HS6ST3: variants seen among roughly 807,000 people sequenced by gnomAD.
HS6ST3 encodes heparan-sulfate 6-O-sulfotransferase 3.
Under a neutral mutation model 36.7 loss-of-function variants are expected in HS6ST3, and 12 were observed. That is an observed-to-expected ratio of 0.33 (90% CI 0.21 to 0.53). The LOEUF (loss-of-function observed/expected upper bound fraction) is 0.53, where lower values mean the gene tolerates loss of function less well. Ranked by LOEUF, HS6ST3 falls within the 20% of genes least tolerant of loss-of-function variation. The pLI, the probability that HS6ST3 is intolerant of heterozygous loss-of-function variation, is 0.95. For missense variants in HS6ST3, 584 were observed against 640.9 expected, an observed-to-expected ratio of 0.91 and a Z score of 0.96; for synonymous variants, 240 against 257.5, an observed-to-expected ratio of 0.93 and a Z score of 0.65.
At chr13:96,562,180 G>A (rs2056264791) in intron 1 of HS6ST3, among the ~76,000 whole-genome samples, 1 of 152,180 alleles carries the variant, frequency 6.6e-6, no homozygotes, top group South Asian at 2.1e-4. Context: ...TATACAACAT[G>A]GGATACTGCA....
chr13:96,366,943 G>T (rs954605358), intron 1 of HS6ST3, among the ~76,000 whole-genome samples: 1 of 152,176 alleles, frequency 6.6e-6, no homozygotes, highest in Admixed American at 6.5e-5. Flanking sequence ...CTCCCACCAT[G>T]TAAGATGTGC....
chr13:96,188,921 C>G (rs189753989), intron 1 of HS6ST3, among the ~76,000 whole-genome samples: 1 of 152,094 alleles, frequency 6.6e-6, no homozygotes, highest in East Asian at 1.9e-4. Flanking sequence ...TAATTTTTGA[C>G]AGAAATATTA....
At chr13:96,344,144 G>A (rs1176152603) in intron 1 of HS6ST3, among the ~76,000 whole-genome samples, 3 of 152,116 alleles carry the variant, frequency 2.0e-5, no homozygotes, top group African/African-American at 7.2e-5. Flanking sequence ...ATACGTAGGT[G>A]TCAGAATAAG....
At chr13:96,444,470 C>T (rs941629956) in intron 1 of HS6ST3, among the ~76,000 whole-genome samples, 8 of 152,178 alleles carry the variant, frequency 5.3e-5, no homozygotes, top group Non-Finnish European at 1.2e-4. Flanking sequence ...ACAGTGAGGT[C>T]TTAGTCTTGT....
chr13:96,349,893 A>T (rs978876686), intron 1 of HS6ST3, among the ~76,000 whole-genome samples: 1 of 152,250 alleles, frequency 6.6e-6, no homozygotes, highest in African/African-American at 2.4e-5. Context: ...AAAGGAAATT[A>T]ACAAAGTATT....
At chr13:96,681,063 T>C (rs1256279087) in intron 1 of HS6ST3, among the ~76,000 whole-genome samples, 1 of 152,186 alleles carries the variant, frequency 6.6e-6, no homozygotes, top group East Asian at 1.9e-4. Flanking sequence ...CATATAGATA[T>C]TTGTTTTCTT....
At chr13:96,653,612 A>G (rs1872260226) in intron 1 of HS6ST3, among the ~76,000 whole-genome samples, 1 of 152,124 alleles carries the variant, frequency 6.6e-6, no homozygotes, top group African/African-American at 2.4e-5. Flanking sequence ...TCTATCACTG[A>G]TGGGCATTTG....
chr13:96,308,781 T>A (rs1402683105), intron 1 of HS6ST3, among the ~76,000 whole-genome samples: 19 of 152,144 alleles, frequency 1.2e-4, no homozygotes. Context: ...ATGCATTCTA[T>A]TCTAGGAAGC....
chr13:96,285,440 A>G (rs1339455853), intron 1 of HS6ST3, among the ~76,000 whole-genome samples: 1 of 152,208 alleles, frequency 6.6e-6, no homozygotes, highest in Non-Finnish European at 1.5e-5. Flanking sequence ...CCATTTAGCC[A>G]TTGAGAGGAT....
At chr13:96,477,026 A>G (rs1034497713) in intron 1 of HS6ST3, among the ~76,000 whole-genome samples, 4 of 152,240 alleles carry the variant, frequency 2.6e-5, no homozygotes, top group Admixed American at 2.0e-4. Context: ...GTAATGTTTT[A>G]AAAATCAACT....
At chr13:96,520,037 G>C (rs2056087012) in intron 1 of HS6ST3, among the ~76,000 whole-genome samples, 2 of 152,062 alleles carry the variant, frequency 1.3e-5, no homozygotes, top group African/African-American at 4.8e-5. Flanking sequence ...TTGAACCTCT[G>C]TTCCTTGTTC....
At chr13:96,803,738 G>C (rs534708345) in intron 1 of HS6ST3, among the ~76,000 whole-genome samples, 1 of 152,216 alleles carries the variant, frequency 6.6e-6, no homozygotes, top group South Asian at 2.1e-4. Context: ...TTTCGTGTTG[G>C]GGCATGGGTA....
chr13:96,490,422 C>A (rs74500875), intron 1 of HS6ST3, among the ~76,000 whole-genome samples: 1,873 of 151,834 alleles, frequency 0.012, 39 homozygotes, highest in African/African-American at 0.043. Flanking sequence ...TTTTAAGGTT[C>A]ATAAATAAAA....
At chr13:96,425,151 C>T (rs1433210816) in intron 1 of HS6ST3, among the ~76,000 whole-genome samples, 11 of 152,130 alleles carry the variant, frequency 7.2e-5, no homozygotes, top group Non-Finnish European at 1.2e-4. Context: ...AATGACCTGT[C>T]GAAGCCTCTT....
chr13:96,528,576 T>C (rs887351354), intron 1 of HS6ST3, among the ~76,000 whole-genome samples: 1 of 152,204 alleles, frequency 6.6e-6, no homozygotes, highest in Non-Finnish European at 1.5e-5. Flanking sequence ...CAATGTTTAA[T>C]ACGTAATATC....
chr13:96,298,869 T>C (rs1278762259), intron 1 of HS6ST3, among the ~76,000 whole-genome samples: 1 of 152,154 alleles, frequency 6.6e-6, no homozygotes. Context: ...AGAAATTTTA[T>C]ATTGCAGGAA....
intron 1 of HS6ST3, among the ~76,000 whole-genome samples, chr13:96,701,948 T>G (rs966717422): frequency 1.3e-5 from 2 of 151,728 alleles, no homozygotes; most frequent in Non-Finnish European, 2.9e-5. Context: ...GATGACAGAG[T>G]GAGACCAAAA....
chr13:96,588,629 G>A (rs563352090), intron 1 of HS6ST3, among the ~76,000 whole-genome samples: 2 of 152,258 alleles, frequency 1.3e-5, no homozygotes, highest in South Asian at 4.1e-4. Context: ...GTTGAATTCA[G>A]TTGGCTAGTA....
At chr13:96,155,759 A>G (rs140959122) in intron 1 of HS6ST3, among the ~76,000 whole-genome samples, 2,154 of 152,334 alleles carry the variant, frequency 0.014, 26 homozygotes, top group South Asian at 0.053. Flanking sequence ...CTGTCAAAAT[A>G]TATGAAATTT....
Sources: allele counts gnomAD v4.1 joint callset (sites outside exome capture counted in the v4.1 genomes callset), GRCh38; gene constraint gnomAD v4.1.1; transcripts MANE v1.5; gene names NCBI Gene and HGNC (gene_info 2026-07-23, HGNC 2026-07-21).